INTS6L: variants seen among roughly 807,000 people sequenced by gnomAD.
INTS6L encodes the protein integrator complex subunit 6 like, also known as integrator complex subunit 6-like.
A neutral mutation model predicts 64.7 loss-of-function variants in INTS6L; 18 were observed. The ratio of observed to expected loss-of-function variants is 0.28; its 90% confidence interval spans 0.19 to 0.41. The LOEUF (loss-of-function observed/expected upper bound fraction) is 0.41. Ranked by LOEUF, INTS6L falls within the 10% of genes least tolerant of loss-of-function variation. The pLI is 1.00. For synonymous variants in INTS6L, 227 were observed against 235.9 expected, an observed-to-expected ratio of 0.96 and a Z score of 0.34; for missense variants, 533 against 661.0, an observed-to-expected ratio of 0.81 and a Z score of 2.12.
chrX:135,547,557 A>G (rs2086388782), intron 6 of INTS6L, among the ~76,000 whole-genome samples: 1 of 112,097 alleles, frequency 8.9e-6, no homozygotes. Flanking sequence ...CTCTCTATTC[A>G]CAAAATGTCT....
intron 11 of INTS6L, 198 bp downstream of exon 11, chrX:135,570,744 C>A: frequency 2.3e-6 from 1 of 444,152 alleles, no homozygotes; most frequent in Non-Finnish European, 3.5e-6. Context: ...TCATTTGATG[C>A]TGTGCCATTT....
intron 8 of INTS6L, among the ~76,000 whole-genome samples, chrX:135,553,148 G>A (rs1556517647): frequency 1.8e-5 from 2 of 109,274 alleles, no homozygotes; most frequent in African/African-American, 6.9e-5. Context: ...CATATTGTGT[G>A]ATTCTATGTT....
intron 9 of INTS6L, among the ~76,000 whole-genome samples, chrX:135,557,247 C>G (rs1556519744): frequency 9.0e-6 from 1 of 111,493 alleles, no homozygotes; most frequent in Non-Finnish European, 1.9e-5. Flanking sequence ...AAAAAAGTGT[C>G]TGTATTTTGC....
chrX:135,575,800 G>GTT (rs1471038267), intron 14 of INTS6L, among the ~76,000 whole-genome samples: 1 of 109,144 alleles, frequency 9.2e-6, no homozygotes, highest in African/African-American at 3.3e-5. Flanking sequence ...GTGTGTGTGT[G>GTT]TGTGTGTGTA....
chrX:135,561,504 G>T (rs1556522239), intron 9 of INTS6L, among the ~76,000 whole-genome samples: 1 of 111,397 alleles, frequency 9.0e-6, no homozygotes, highest in Non-Finnish European at 1.9e-5. Flanking sequence ...TTTTGTTGTT[G>T]TCTTTGGTTT....
Position 135,520,686 on chromosome X carries a change from G to A in INTS6L, c.-307G>A. 3.3e-6 allele frequency: 1 copy of A among 303,258 alleles called. No homozygotes were observed. The highest frequency in any genetic ancestry group is 5.5e-5 in the East Asian group (1 of 18,077). 25.0% of individuals were successfully genotyped at this position (303,258 alleles called of 1,213,427 possible). A position where few individuals can be genotyped will look rare whatever the true frequency, so the allele number is the denominator to read the frequency against. ...GTCTGGGGCGAGCGCTCTAGTGAGC[G>A]CGGACGGATGCTTAGGCAGTAGTCC... On this transcript the variant is annotated 5_prime_UTR_variant, in exon 1 of 18. Coordinates refer to ENST00000639893, the MANE Select transcript of INTS6L (RefSeq NM_001351601.3).
intron 2 of INTS6L, among the ~76,000 whole-genome samples, chrX:135,545,117 A>G (rs1556514445): frequency 6.2e-5 from 7 of 112,203 alleles, no homozygotes. Flanking sequence ...ATGTGAAGCT[A>G]GGGTAACAGG....
chrX:135,572,346 C>A (rs1260452645), intron 11 of INTS6L: 6 of 112,014 alleles, frequency 5.4e-5, no homozygotes, highest in Admixed American at 2.8e-4. Flanking sequence ...TTTTTTCAGA[C>A]CTTTTTTGGA....
Position 135,521,331 on chromosome X carries a change from C to A in INTS6L, c.189+13C>A, listed in dbSNP as rs1475463638. The A allele has an allele frequency of 3.4e-6, 4 of 1,186,502 alleles. No individual in the cohort carries two copies. The highest frequency in any genetic ancestry group is 3.5e-5 in the African/African-American group (2 of 56,627). On this transcript the variant is annotated intron_variant, in intron 2 of 17. Coordinates refer to ENST00000639893, the MANE Select transcript of INTS6L (RefSeq NM_001351601.3). The stretch of plus-strand genomic sequence containing the variant: ...GTACTGCATCAAGGTAAAGGGGCTA[C>A]GGGTGGGGGGACAGGCGGGAAGCGG...
In INTS6L at chrX:135,522,185, G is replaced by A. The variant is rs1602770568; in HGVS notation, c.189+867G>A. ...ATTCCAGCGAAGCAACGACACGGAG[G>A]GGGACGTGCCAAGTGCGAACCCACA... On this transcript the variant is annotated intron_variant, in intron 2 of 17. Coordinates refer to ENST00000639893, the MANE Select transcript of INTS6L (RefSeq NM_001351601.3). Among the ~76,000 whole-genome samples, 3 of 112,220 alleles carry A rather than the reference G, an allele frequency of 2.7e-5. No homozygotes were observed. In the Admixed American group the frequency reaches 2.8e-4, roughly 11 times the overall value.
chrX:135,554,318 T>TA (rs782794305), intron 8 of INTS6L, among the ~76,000 whole-genome samples: 15 of 112,297 alleles, frequency 1.3e-4, no homozygotes, highest in African/African-American at 4.5e-4. Flanking sequence ...TGATTTTTTT[T>TA]ATCTTTCTTT....
intron 9 of INTS6L, among the ~76,000 whole-genome samples, chrX:135,559,194 A>G (rs2086719679): frequency 8.9e-6 from 1 of 111,944 alleles, no homozygotes; most frequent in Admixed American, 9.5e-5. Context: ...GTACAGTATC[A>G]CAATTGTGAT....
At chrX:135,535,178 G>A (rs987180191) in intron 2 of INTS6L, among the ~76,000 whole-genome samples, 4 of 111,472 alleles carry the variant, frequency 3.6e-5, no homozygotes, top group African/African-American at 1.3e-4. Flanking sequence ...GTTTTTAGGG[G>A]AGGTACAAGA....
At chrX:135,574,290 A>G (rs2087167252) in intron 13 of INTS6L, among the ~76,000 whole-genome samples, 1 of 110,163 alleles carries the variant, frequency 9.1e-6, no homozygotes, top group Non-Finnish European at 1.9e-5. Context: ...TGCTTTAGCT[A>G]TTGTAAGCTT....
intron 2 of INTS6L, among the ~76,000 whole-genome samples, 179 bp downstream of exon 2, chrX:135,521,497 G>C (rs1556496921): frequency 9.1e-6 from 1 of 110,489 alleles, no homozygotes; most frequent in African/African-American, 3.3e-5. Context: ...TGTCGCGCCT[G>C]GGGTCGGGGA....
At position 135,546,393 on chromosome X, in the gene INTS6L, T is replaced by C. The variant is rs376860275; in HGVS notation, c.353T>C (p.Phe118Ser). The C allele has an allele frequency of 6.9e-6, 8 of 1,155,431 alleles. No individual in the cohort carries two copies. Among genetic ancestry groups the C allele is most frequent in the Non-Finnish European group, 9.2e-6 (8 of 870,788 alleles). Reference protein sequence around the residue: ...IDNYGQGRNPFFLEPSILITI... With the variant: ...IDNYGQGRNPSFLEPSILITI... The stretch of plus-strand genomic sequence containing the variant: ...AATGTATTTTAGGGGAGAAATCCAT[T>C]TTTTTTAGAACCATCTATTTTAATT... The change falls in exon 4 of 18, where the codon TTT (phenylalanine) becomes TCT (serine). Residue 118 changes from phenylalanine (F) to serine (S), a missense_variant. Phe to Ser is a radical substitution (Grantham distance 155, BLOSUM62 -2). Coordinates refer to ENST00000639893, the MANE Select transcript of INTS6L (RefSeq NM_001351601.3).
At chrX:135,547,499 A>G (rs1200824110) in intron 6 of INTS6L, among the ~76,000 whole-genome samples, 1 of 111,908 alleles carries the variant, frequency 8.9e-6, no homozygotes, top group African/African-American at 3.2e-5. Context: ...TTCCTGGTGC[A>G]TTTTATATTC....
chrX:135,565,039 A>G (rs1168291341), intron 9 of INTS6L, among the ~76,000 whole-genome samples: 2 of 111,664 alleles, frequency 1.8e-5, no homozygotes, highest in Non-Finnish European at 3.8e-5. Context: ...TGGAAGAGAT[A>G]GGAATGCTTC....
rs1556535184 is a variant in INTS6L at position 135,582,454 on chromosome X, A to G, written c.*818A>G. ...AATTTGCAAAAATTAAAGTGTACAA[A>G]GAGATTTTGATTTTGCATATATAAA... On this transcript the variant is annotated 3_prime_UTR_variant, in exon 18 of 18. Transcript: ENST00000639893. 8.9e-6 allele frequency: 1 copy of G among 112,663 alleles called. No homozygotes were observed. Among genetic ancestry groups the G allele is most frequent in the African/African-American group, 3.2e-5 (1 of 30,986 alleles). The allele number at this position is 112,663 out of a possible 1,213,427, so 9.3% of individuals were successfully genotyped here. A position where few individuals can be genotyped will look rare whatever the true frequency, so the allele number is the denominator to read the frequency against.
Sources: gnomAD v4.1 joint callset for allele counts (sites outside exome capture counted in the v4.1 genomes callset) on GRCh38, gnomAD v4.1.1 for gene constraint, MANE v1.5 for transcripts, NCBI Gene and HGNC (gene_info 2026-07-23, HGNC 2026-07-21) for gene names.